Variants in ACBD6 observed in about 807,000 individuals in gnomAD.
ACBD6 encodes acyl-CoA binding domain containing 6, also known as acyl-CoA-binding domain-containing protein 6.
ACBD6 carries 28 observed loss-of-function variants against 37.2 expected under a neutral mutation model. The observed-to-expected ratio is 0.75, with a 90% CI of 0.56 to 1.03. The LOEUF (loss-of-function observed/expected upper bound fraction) is 1.03, where lower values mean the gene tolerates loss of function less well. ACBD6 is among the 50% of genes least tolerant of loss of function. The pLI is 0.00. For synonymous variants in ACBD6, 113 were observed against 126.8 expected (o/e 0.89, Z 0.73); for missense variants, 340 against 337.4 (o/e 1.01, Z -0.06).
chr1:180,333,823 T>C lies in ACBD6; in HGVS notation c.664-19101A>G, dbSNP rs188010440. Among the ~76,000 whole-genome samples, 629 of 152,350 alleles carry C rather than the reference T, an allele frequency of 4.1e-3. 3 individuals are homozygous for C. The highest frequency in any genetic ancestry group is 6.9e-3 in the Non-Finnish European group (469 of 68,034). ...AATCAGGTCACTCCCACTCTAATAC[T>C]GCACTTTTCCAATGGTCTTAGCAAA... On this transcript the variant is annotated intron_variant, in intron 6 of 7. Coordinates refer to ENST00000367595, the MANE Select transcript of ACBD6 (RefSeq NM_032360.4).
chr1:180,495,814 A>G (rs1190366389), intron 1 of ACBD6, among the ~76,000 whole-genome samples: 2 of 152,244 alleles, frequency 1.3e-5, no homozygotes, highest in Non-Finnish European at 2.9e-5. Flanking sequence ...TAGACTATAT[A>G]TAAGACAAGT....
intron 6 of ACBD6, among the ~76,000 whole-genome samples, chr1:180,361,154 C>T (rs1377124944): frequency 2.0e-5 from 3 of 152,118 alleles, no homozygotes; most frequent in Admixed American, 6.5e-5. Context: ...AATTTCCCTG[C>T]TTTGCAAAGC....
In ACBD6 at chr1:180,413,295, C is replaced by G. The variant is rs1190293584; in HGVS notation, c.573+71G>C. ...TTTGAGTTGTAGTTCATTGGCCTAC[C>G]ATTTAGGAAAAGGCACTGGGGCAGA... On this transcript the variant is annotated intron_variant, in intron 5 of 7. Coordinates refer to ENST00000367595, the MANE Select transcript of ACBD6 (RefSeq NM_032360.4). 2.6e-6 allele frequency: 3 copies of G among 1,152,844 alleles called. No individual in the cohort carries two copies. The East Asian group carries it at 7.0e-5, about 27-fold the overall frequency. The allele number at this position is 1,152,844 out of a possible 1,614,324, so 71.4% of individuals were successfully genotyped here.
rs1403234557 is a variant in ACBD6, at chr1:180,378,941, A to G, written c.663+18575T>C. ...ACTCATTACCTAGGGGCTCGAGAAC[A>G]CACCCACTTGACTGACCCACCACTG... On this transcript the variant is annotated intron_variant, in intron 6 of 7. Transcript: ENST00000367595. Among the ~76,000 whole-genome samples the G allele has an allele frequency of 2.0e-5, 3 of 152,162 alleles. No homozygotes were observed. The East Asian group carries it at 5.8e-4, about 29-fold the overall frequency.
At chr1:180,345,636 T>A (rs2101885672) in intron 6 of ACBD6, among the ~76,000 whole-genome samples, 1 of 152,296 alleles carries the variant, frequency 6.6e-6, no homozygotes, top group African/African-American at 2.4e-5. Flanking sequence ...TTGAGTCGAT[T>A]ATTACGCAGC....
intron 4 of ACBD6, among the ~76,000 whole-genome samples, chr1:180,420,522 A>C (rs1403294998): frequency 6.6e-6 from 1 of 152,162 alleles, no homozygotes; most frequent in Non-Finnish European, 1.5e-5. Flanking sequence ...TAACCCCCCG[A>C]TCTAGAGGGT....
At chr1:180,483,211 CA>C (rs1445328641) in intron 3 of ACBD6, among the ~76,000 whole-genome samples, 2 of 152,088 alleles carry the variant, frequency 1.3e-5, no homozygotes, top group Non-Finnish European at 2.9e-5. Context: ...TTCCTCTATA[CA>C]GAATGTTCTT....
Position 180,292,831 on chromosome 1 carries a change from T to A in ACBD6, c.695-4314A>T, listed in dbSNP as rs1227598517. Reference sequence around the variant, plus strand: ...TAGAGGGAAAGTGTTCAGCCTTTCATCATCAAGGACGATATTAACTGTCGA... The same window carrying A: ...TAGAGGGAAAGTGTTCAGCCTTTCAACATCAAGGACGATATTAACTGTCGA... On this transcript the variant is annotated intron_variant, in intron 7 of 7. Transcript: ENST00000367595. Among the ~76,000 whole-genome samples, 4 of 152,360 alleles carry A rather than the reference T, an allele frequency of 2.6e-5. No individual in the cohort carries two copies. The East Asian group carries it at 7.7e-4, about 29-fold the overall frequency.
At chr1:180,478,849 T>C (rs1454226005) in intron 3 of ACBD6, among the ~76,000 whole-genome samples, 1 of 152,138 alleles carries the variant, frequency 6.6e-6, no homozygotes, top group Non-Finnish European at 1.5e-5. Context: ...TCCATTTGGC[T>C]GGGCACAGTG....
At chr1:180,338,985 C>G (rs2149305181) in intron 6 of ACBD6, among the ~76,000 whole-genome samples, 2 of 152,260 alleles carry the variant, frequency 1.3e-5, no homozygotes, top group South Asian at 4.1e-4. Flanking sequence ...AATGAGATAC[C>G]ATCTCACACC....
chr1:180,430,491 C>G (rs1648769720), intron 3 of ACBD6, among the ~76,000 whole-genome samples: 1 of 152,048 alleles, frequency 6.6e-6, no homozygotes, highest in South Asian at 2.1e-4. Flanking sequence ...TATTCCAGTA[C>G]AGCCTTCTGG....
intron 6 of ACBD6, among the ~76,000 whole-genome samples, chr1:180,362,614 C>T (rs1652891954): frequency 6.6e-6 from 1 of 152,212 alleles, no homozygotes; most frequent in African/African-American, 2.4e-5. Flanking sequence ...TTCTATCCTT[C>T]ATACATAGAG....
intron 3 of ACBD6, among the ~76,000 whole-genome samples, chr1:180,477,600 T>A (rs1650849552): frequency 6.6e-6 from 1 of 152,024 alleles, no homozygotes; most frequent in South Asian, 2.1e-4. Flanking sequence ...GAAAAAATAA[T>A]CTCCTTATAA....
At chr1:180,437,845 G>A (rs1649108000) in intron 3 of ACBD6, among the ~76,000 whole-genome samples, 1 of 152,186 alleles carries the variant, frequency 6.6e-6, no homozygotes, top group South Asian at 2.1e-4. Context: ...GACAAAGGAA[G>A]TGAAGAAGTG....
At chr1:180,294,048 C>T (rs907867132) in intron 7 of ACBD6, among the ~76,000 whole-genome samples, 5 of 152,056 alleles carry the variant, frequency 3.3e-5, no homozygotes, top group African/African-American at 1.2e-4. Flanking sequence ...GTGCGCACCA[C>T]CACATCTGGC....
intron 3 of ACBD6, among the ~76,000 whole-genome samples, chr1:180,471,299 G>A (rs1650555424): frequency 6.6e-6 from 1 of 151,924 alleles, no homozygotes; most frequent in Non-Finnish European, 1.5e-5. Context: ...TACTCGAGAA[G>A]CTGAGGTGGG....
chr1:180,348,317 C>A (rs898743021), intron 6 of ACBD6, among the ~76,000 whole-genome samples: 6 of 152,048 alleles, frequency 3.9e-5, no homozygotes. Flanking sequence ...CATAGAGAAG[C>A]GACAAGAGCT....
chr1:180,401,961 TG>T (rs1647391712), intron 5 of ACBD6, among the ~76,000 whole-genome samples: 1 of 152,112 alleles, frequency 6.6e-6, no homozygotes, highest in Admixed American at 6.5e-5. Context: ...TTGTAAGAGT[TG>T]TCCTGTCATT....
At chr1:180,384,905 A>C (rs919316067) in intron 6 of ACBD6, among the ~76,000 whole-genome samples, 1 of 152,224 alleles carries the variant, frequency 6.6e-6, no homozygotes, top group African/African-American at 2.4e-5. Flanking sequence ...AGACACAGAA[A>C]GACGAATTTT....
Sources: gnomAD v4.1 joint callset for allele counts (sites outside exome capture counted in the v4.1 genomes callset) on GRCh38, gnomAD v4.1.1 for gene constraint, MANE v1.5 for transcripts, NCBI Gene and HGNC (gene_info 2026-07-23, HGNC 2026-07-21) for gene names.